The following ITGAV variants were observed in gnomAD, a reference collection of about 807,000 sequenced individuals.
The protein encoded by ITGAV is integrin subunit alpha V.
Under a neutral mutation model 143.8 loss-of-function variants are expected in ITGAV, and 76 were observed. That is an observed-to-expected ratio of 0.53 (90% CI 0.44 to 0.64). The LOEUF (loss-of-function observed/expected upper bound fraction) is 0.64, where lower values mean the gene tolerates loss of function less well. ITGAV is among the 30% of genes least tolerant of loss of function. ITGAV has a pLI of 0.00. For synonymous variants in ITGAV, 453 were observed against 446.7 expected (o/e 1.01, Z -0.18); for missense variants, 1,193 against 1,274.7 (o/e 0.94, Z 0.98).
In ITGAV at chr2:186,633,404, G is replaced by T. The variant is rs1484540047; in HGVS notation, c.631+30G>T. 9 of 1,374,698 alleles carry T rather than the reference G, an allele frequency of 6.5e-6. No individual in the cohort carries two copies. The East Asian group carries it at 1.8e-4, about 28-fold the overall frequency. The allele number at this position is 1,374,698 out of a possible 1,614,324, so 85.2% of individuals were successfully genotyped here. A position where few individuals can be genotyped will look rare whatever the true frequency, so the allele number is the denominator to read the frequency against. On this transcript the variant is annotated intron_variant, in intron 6 of 29. Transcript: ENST00000261023. ...GTTAATATTTTTTAAATTACAATTGGTGACTATGTGTCGCTGATTCACCTG... is the reference window on the plus strand; with the variant it reads ...GTTAATATTTTTTAAATTACAATTGTTGACTATGTGTCGCTGATTCACCTG...
intron 7 of ITGAV, among the ~76,000 whole-genome samples, chr2:186,636,447 G>C (rs920693062): frequency 6.6e-6 from 1 of 152,164 alleles, no homozygotes; most frequent in Non-Finnish European, 1.5e-5. Context: ...TTTAAGATAT[G>C]CTTACTGTGT....
intron 2 of ITGAV, among the ~76,000 whole-genome samples, chr2:186,607,197 T>C (rs953771309): frequency 1.3e-5 from 2 of 152,174 alleles, no homozygotes; most frequent in African/African-American, 4.8e-5. Flanking sequence ...TTATTGTGTT[T>C]CTGAGCCCAG....
chr2:186,592,856 C>T (rs1358245740), intron 1 of ITGAV, among the ~76,000 whole-genome samples: 1 of 152,080 alleles, frequency 6.6e-6, no homozygotes, highest in Non-Finnish European at 1.5e-5. Context: ...GGAAACCAAC[C>T]TTGAATTTTT....
rs2105726730 is a variant in ITGAV at position 186,651,980 on chromosome 2, A to G, written c.1398-2A>G. The G allele has an allele frequency of 1.9e-6, 3 of 1,577,464 alleles. No homozygotes were observed. Among genetic ancestry groups the G allele is most frequent in the Non-Finnish European group, 2.6e-6 (3 of 1,156,862 alleles). On this transcript the variant is annotated splice_acceptor_variant, in intron 14 of 29. Coordinates refer to ENST00000261023, the MANE Select transcript of ITGAV (RefSeq NM_002210.5). LOFTEE classifies it high-confidence loss of function. ...TTCATCTTCTTTTCCCTCCCCCGCT[A>G]GGGCCAGACCAGTTATCACTGTAAA...
chr2:186,604,045 T>A (rs1284136107), intron 2 of ITGAV, among the ~76,000 whole-genome samples: 1 of 151,884 alleles, frequency 6.6e-6, no homozygotes, highest in Non-Finnish European at 1.5e-5. Flanking sequence ...TATGTATTTT[T>A]TTTTTTAAAG....
At position 186,666,585 on chromosome 2, in the gene ITGAV, T is replaced by A. The variant is rs1574500904; in HGVS notation, c.2167-119T>A. 8 of 496,398 alleles carry A rather than the reference T, an allele frequency of 1.6e-5. No homozygotes were observed. In the East Asian group the frequency reaches 2.5e-4, roughly 16 times the overall value. The allele number at this position is 496,398 out of a possible 1,614,324, so 30.7% of individuals were successfully genotyped here. A position where few individuals can be genotyped will look rare whatever the true frequency, so the allele number is the denominator to read the frequency against. ...ATAAGATTTAGTTATCTTTGTTCAG[T>A]TTTATTGTAAGCTCAGAAAAACCCC... is the stretch of plus-strand genomic sequence containing the variant. On this transcript the variant is annotated intron_variant, in intron 21 of 29. Transcript: ENST00000261023.
At chr2:186,602,750 G>GCCTGTAAT (rs1686947370) in intron 2 of ITGAV, among the ~76,000 whole-genome samples, 1 of 152,058 alleles carries the variant, frequency 6.6e-6, no homozygotes, top group South Asian at 2.1e-4. Context: ...GGTGGCGCCT[G>GCCTGTAAT]CCTGTAATCC....
rs200746724 is a variant in ITGAV at position 186,646,746 on chromosome 2, A to G, written c.1220A>G (p.Asn407Ser). The G allele has an allele frequency of 2.2e-5, 36 of 1,610,972 alleles. No individual in the cohort carries two copies. The highest frequency in any genetic ancestry group is 1.7e-5 in the Admixed American group (1 of 59,782). The change falls in exon 13 of 30, where the codon AAT becomes AGT. Residue 407 changes from asparagine (N) to serine (S), a missense_variant. Physicochemically the swap from Asn to Ser is conservative, Grantham distance 46. Coordinates refer to ENST00000261023, the MANE Select transcript of ITGAV (RefSeq NM_002210.5). ...EDKKGIVYIF[N>S]GRSTGLNAVP... ...AAAAAAGGAATTGTTTATATCTTCA[A>G]TGGAAGATCAACAGGCTTGAACGCA...
chr2:186,596,122 A>G lies in ITGAV; in HGVS notation c.185+5599A>G, dbSNP rs61763614. On this transcript the variant is annotated intron_variant, in intron 1 of 29. Transcript: ENST00000261023. Reference sequence around the variant, plus strand: ...TCATCTTGTATTTTCGTGGTGTTTCAGATTTTCTAAGTTTGCATTTATTTA... The same window carrying G: ...TCATCTTGTATTTTCGTGGTGTTTCGGATTTTCTAAGTTTGCATTTATTTA... Among the ~76,000 whole-genome samples the G allele has an allele frequency of 7.3e-3, 1,116 of 152,330 alleles. 5 individuals are homozygous for G. The highest frequency in any genetic ancestry group is 0.011 in the Non-Finnish European group (741 of 68,022).
chr2:186,619,688 A>C (rs1296782956), intron 2 of ITGAV, among the ~76,000 whole-genome samples: 1 of 152,124 alleles, frequency 6.6e-6, no homozygotes, highest in Non-Finnish European at 1.5e-5. Flanking sequence ...ATTATATTTC[A>C]ATTAAGAAAA....
intron 18 of ITGAV, among the ~76,000 whole-genome samples, chr2:186,661,363 T>C (rs35348196): frequency 0.32 from 47,989 of 152,016 alleles, 8,535 homozygotes; most frequent in East Asian, 0.77. Flanking sequence ...ATTAAACTAA[T>C]TTAAATTAAA....
intron 2 of ITGAV, among the ~76,000 whole-genome samples, chr2:186,602,366 G>A (rs1199429713): frequency 6.6e-6 from 1 of 152,038 alleles, no homozygotes; most frequent in Non-Finnish European, 1.5e-5. Flanking sequence ...GTTTCCATTG[G>A]TTCAGATGTC....
At chr2:186,662,246 T>C (rs1688768248) in intron 18 of ITGAV, among the ~76,000 whole-genome samples, 1 of 152,230 alleles carries the variant, frequency 6.6e-6, no homozygotes, top group Non-Finnish European at 1.5e-5. Flanking sequence ...CGTTGATTTA[T>C]ATTTGGCATG....
chr2:186,659,264 C>A, intron 18 of ITGAV, 89 bp downstream of exon 18: 1 of 864,042 alleles, frequency 1.2e-6, no homozygotes, highest in South Asian at 3.8e-5. Context: ...TTTCCTTTAT[C>A]ATATTGATAG....
At position 186,590,438 on chromosome 2, in the gene ITGAV, G is replaced by A; in HGVS notation, c.100G>A (p.Asp34Asn). ...ACCTCTGTGCCGCGCCTTCAACCTA[G>A]ACGTGGACAGTCCTGCCGAGTACTC... ...LLPLCRAFNL[D>N]VDSPAEYSGP... The change falls in exon 1 of 30, where the codon GAC becomes AAC. Residue 34 changes from aspartate to asparagine, a missense_variant. By Grantham distance (23) the Asp-to-Asn change is conservative. Transcript: ENST00000261023. 2.5e-6 allele frequency: 4 copies of A among 1,613,174 alleles called. No homozygotes were observed. Among genetic ancestry groups the A allele is most frequent in the Non-Finnish European group, 3.4e-6 (4 of 1,179,828 alleles).
At chr2:186,675,780 C>G in intron 27 of ITGAV, 40 bp from the exon 28 acceptor site, 3 of 1,544,170 alleles carry the variant, frequency 1.9e-6, no homozygotes, top group Non-Finnish European at 2.7e-6. Flanking sequence ...TATAAAAGGC[C>G]TGATATCTGG....
chr2:186,640,838 G>A, intron 10 of ITGAV, 77 bp from the exon 11 acceptor site: 1 of 1,150,276 alleles, frequency 8.7e-7, no homozygotes, highest in South Asian at 1.4e-5. Context: ...ACCCTATTTG[G>A]TACATATATT....
rs570889042 is a variant in ITGAV at position 186,602,354 on chromosome 2, G to T, written c.316+203G>T. On this transcript the variant is annotated intron_variant, in intron 2 of 29. Coordinates refer to ENST00000261023, the MANE Select transcript of ITGAV (RefSeq NM_002210.5). ...TAGATGAAAGTATTAAAAGTACGTT[G>T]TGTTTCCATTGGTTCAGATGTCTTC... Among the ~76,000 whole-genome samples the T allele has an allele frequency of 6.6e-4, 100 of 152,102 alleles. 1 individual carries two copies. The highest frequency in any genetic ancestry group is 1.0e-3 in the Non-Finnish European group (70 of 68,030).
intron 1 of ITGAV, among the ~76,000 whole-genome samples, chr2:186,591,591 C>T (rs1394552339): frequency 6.6e-6 from 1 of 152,064 alleles, no homozygotes; most frequent in African/African-American, 2.4e-5. Flanking sequence ...ACGGTTAGTA[C>T]GTGGATAGGA....
Sources: gnomAD v4.1 joint callset for allele counts (sites outside exome capture counted in the v4.1 genomes callset) on GRCh38, gnomAD v4.1.1 for gene constraint, MANE v1.5 for transcripts, NCBI Gene and HGNC (gene_info 2026-07-23, HGNC 2026-07-21) for gene names.